Variants in GABRB2 observed in about 807,000 individuals in gnomAD.
The protein encoded by GABRB2 is gamma-aminobutyric acid type A receptor subunit beta2.
A neutral mutation model predicts 54.7 loss-of-function variants in GABRB2; 16 were observed. The observed-to-expected ratio is 0.29, with a 90% CI of 0.20 to 0.44. The LOEUF is 0.44. GABRB2 is among the 20% of genes least tolerant of loss of function. GABRB2 has a pLI of 1.00. For synonymous variants in GABRB2, 244 were observed against 233.8 expected (o/e 1.04, Z -0.40); for missense variants, 355 against 644.0 (o/e 0.55, Z 4.86).
intron 5 of GABRB2, among the ~76,000 whole-genome samples, chr5:161,352,468 A>G (rs765817395): frequency 1.3e-5 from 2 of 152,028 alleles, no homozygotes; most frequent in African/African-American, 4.8e-5. Context: ...AAAGACAAAT[A>G]TTGCATAATT....
intron 3 of GABRB2, among the ~76,000 whole-genome samples, chr5:161,516,187 C>A (rs939509452): frequency 6.6e-6 from 1 of 152,160 alleles, no homozygotes; most frequent in Non-Finnish European, 1.5e-5. Flanking sequence ...ACTTTTTTTA[C>A]TGTTGTTGAT....
At position 161,322,652 on chromosome 5, in the gene GABRB2, A is replaced by C. The variant is rs534924119; in HGVS notation, c.1191+3716T>G. ...CTAACATTAAGGTTCTGCATGGTTA[A>C]TCCACAGTACCTGTTCTGTATATTT... is the stretch of plus-strand genomic sequence containing the variant. On this transcript the variant is annotated intron_variant, in intron 9 of 9. Transcript: ENST00000393959. Among the ~76,000 whole-genome samples the C allele has an allele frequency of 5.3e-5, 8 of 152,294 alleles. No individual in the cohort carries two copies. In the South Asian group the frequency reaches 1.0e-3, roughly 20 times the overall value.
At chr5:161,332,398 G>T (rs533556653) in intron 7 of GABRB2, among the ~76,000 whole-genome samples, 1 of 152,222 alleles carries the variant, frequency 6.6e-6, no homozygotes, top group Admixed American at 6.5e-5. Context: ...GGCATATAAT[G>T]CCTAGATAAA....
At chr5:161,459,017 T>C (rs957510634) in intron 4 of GABRB2, 1 of 152,272 alleles carries the variant, frequency 6.6e-6, no homozygotes, top group Non-Finnish European at 1.5e-5. Flanking sequence ...AACCATGCTT[T>C]CAGTACAGAA....
At chr5:161,299,502 G>T (rs1757474491) in intron 9 of GABRB2, among the ~76,000 whole-genome samples, 1 of 152,146 alleles carries the variant, frequency 6.6e-6, no homozygotes, top group Admixed American at 6.6e-5. Context: ...TTGGAAAGAA[G>T]CCAACACTAA....
intron 3 of GABRB2, among the ~76,000 whole-genome samples, chr5:161,487,630 T>C (rs1481222241): frequency 7.9e-5 from 12 of 151,968 alleles, no homozygotes; most frequent in Admixed American, 5.9e-4. Context: ...GTTTCATTTG[T>C]ATGAATTTGG....
chr5:161,420,810 G>T (rs115626639), intron 4 of GABRB2, among the ~76,000 whole-genome samples: 6,191 of 152,288 alleles, frequency 0.041, 160 homozygotes, highest in Middle Eastern at 0.075. Flanking sequence ...CTGACTGATA[G>T]AATACATTGC....
intron 4 of GABRB2, among the ~76,000 whole-genome samples, chr5:161,451,519 T>C (rs997701074): frequency 8.5e-5 from 13 of 152,172 alleles, no homozygotes; most frequent in African/African-American, 3.1e-4. Flanking sequence ...ACTATAAGAT[T>C]ATAAATTGTG....
chr5:161,455,555 G>A (rs573500444), intron 4 of GABRB2, among the ~76,000 whole-genome samples: 1 of 147,318 alleles, frequency 6.8e-6, no homozygotes, highest in Non-Finnish European at 1.5e-5. Context: ...TTTTGAGACA[G>A]GGTACGGCTC....
At chr5:161,485,098 C>A (rs1758878140) in intron 3 of GABRB2, among the ~76,000 whole-genome samples, 1 of 151,908 alleles carries the variant, frequency 6.6e-6, no homozygotes, top group Non-Finnish European at 1.5e-5. Context: ...CCTTTTCATT[C>A]TCTACTAGGT....
chr5:161,301,536 T>C (rs1757538237), intron 9 of GABRB2, among the ~76,000 whole-genome samples: 1 of 152,182 alleles, frequency 6.6e-6, no homozygotes, highest in Non-Finnish European at 1.5e-5. Flanking sequence ...TTATCAAATT[T>C]TTCTGTCTTG....
At chr5:161,413,754 G>A (rs1312353037) in intron 4 of GABRB2, among the ~76,000 whole-genome samples, 1 of 152,094 alleles carries the variant, frequency 6.6e-6, no homozygotes, top group Admixed American at 6.6e-5. Context: ...TCATCTGATA[G>A]AATGAACACA....
At chr5:161,378,215 G>C (rs1755365467) in intron 5 of GABRB2, among the ~76,000 whole-genome samples, 1 of 152,022 alleles carries the variant, frequency 6.6e-6, no homozygotes, top group African/African-American at 2.4e-5. Flanking sequence ...TAAATTGGAA[G>C]GATAATCATA....
chr5:161,488,419 T>C (rs2113346282), intron 3 of GABRB2, among the ~76,000 whole-genome samples: 1 of 151,850 alleles, frequency 6.6e-6, no homozygotes, highest in Non-Finnish European at 1.5e-5. Flanking sequence ...TCTTTAGTCT[T>C]CTTTACCTAT....
intron 9 of GABRB2, among the ~76,000 whole-genome samples, chr5:161,296,662 A>G (rs1580956232): frequency 6.9e-6 from 1 of 145,086 alleles, no homozygotes; most frequent in African/African-American, 2.8e-5. Context: ...TTATTCATGA[A>G]TTAAAAAAAA....
chr5:161,385,688 T>C (rs1421674437), intron 5 of GABRB2, among the ~76,000 whole-genome samples: 2 of 152,146 alleles, frequency 1.3e-5, no homozygotes, highest in African/African-American at 4.8e-5. Flanking sequence ...TATAAAATAT[T>C]GGGTGACACA....
chr5:161,380,995 A>G (rs1183954247), intron 5 of GABRB2, among the ~76,000 whole-genome samples: 1 of 152,222 alleles, frequency 6.6e-6, no homozygotes, highest in Admixed American at 6.5e-5. Flanking sequence ...GAGCTTCAGA[A>G]CAAAAAACAT....
chr5:161,502,547 C>T (rs529673849), intron 3 of GABRB2, among the ~76,000 whole-genome samples: 3 of 152,074 alleles, frequency 2.0e-5, no homozygotes, highest in Non-Finnish European at 4.4e-5. Context: ...TTTAAACAGT[C>T]AATCAAACTG....
At chr5:161,323,448 A>T (rs1758275558) in intron 9 of GABRB2, among the ~76,000 whole-genome samples, 1 of 151,626 alleles carries the variant, frequency 6.6e-6, no homozygotes, top group Non-Finnish European at 1.5e-5. Flanking sequence ...TAGATGCTTC[A>T]TCTTGATGGA....
Sources: gnomAD v4.1 joint callset for allele counts (sites outside exome capture counted in the v4.1 genomes callset) on GRCh38, gnomAD v4.1.1 for gene constraint, MANE v1.5 for transcripts, NCBI Gene and HGNC (gene_info 2026-07-23, HGNC 2026-07-21) for gene names.